Variants in EXOC4 observed in about 807,000 individuals in gnomAD.
EXOC4 encodes SEC8-like 1.
EXOC4 carries 71 observed loss-of-function variants against 107.2 expected under a neutral mutation model. That is an observed-to-expected ratio of 0.66 (90% CI 0.55 to 0.81). EXOC4 has a LOEUF of 0.81. Ranked by LOEUF, EXOC4 falls within the 30% of genes least tolerant of loss-of-function variation. EXOC4 has a pLI of 0.00. For missense variants in EXOC4, 1,108 were observed against 1,189.6 expected (o/e 0.93, Z 1.01); for synonymous variants, 456 against 441.2 (o/e 1.03, Z -0.42).
At chr7:133,421,997 A>G (rs1282599193) in intron 7 of EXOC4, among the ~76,000 whole-genome samples, 1 of 152,238 alleles carries the variant, frequency 6.6e-6, no homozygotes, top group Non-Finnish European at 1.5e-5. Context: ...AGAAAGAAAT[A>G]AGAACTATGT....
At chr7:133,654,404 G>A (rs890860675) in intron 10 of EXOC4, among the ~76,000 whole-genome samples, 49 of 152,268 alleles carry the variant, frequency 3.2e-4, no homozygotes, top group African/African-American at 9.4e-4. Context: ...ATTATTAGGA[G>A]AAGATGAGCC....
intron 9 of EXOC4, among the ~76,000 whole-genome samples, chr7:133,490,494 G>A (rs994289412): frequency 3.9e-5 from 6 of 152,276 alleles, no homozygotes; most frequent in Middle Eastern, 3.4e-3. Context: ...ATTGAGGCAA[G>A]CATTTCAGGC....
At chr7:133,792,674 T>A (rs1194370931) in intron 10 of EXOC4, among the ~76,000 whole-genome samples, 1 of 149,502 alleles carries the variant, frequency 6.7e-6, no homozygotes, top group Non-Finnish European at 1.5e-5. Context: ...AGAAGAAAAT[T>A]GTTCACAATG....
intron 10 of EXOC4, among the ~76,000 whole-genome samples, chr7:133,698,320 C>A (rs984900145): frequency 3.3e-5 from 5 of 151,974 alleles, no homozygotes; most frequent in Admixed American, 3.3e-4. Flanking sequence ...AACATGCAGG[C>A]CAGTTGTGGT....
chr7:133,634,867 GA>G (rs1802670762), intron 10 of EXOC4, among the ~76,000 whole-genome samples: 1 of 152,144 alleles, frequency 6.6e-6, no homozygotes. Flanking sequence ...GCCATGCCCG[GA>G]TAGATTCTGA....
intron 7 of EXOC4, among the ~76,000 whole-genome samples, chr7:133,465,474 T>C (rs1362449039): frequency 6.6e-6 from 1 of 152,146 alleles, no homozygotes; most frequent in African/African-American, 2.4e-5. Context: ...TGAATACCCT[T>C]TTTTGATAAT....
intron 10 of EXOC4, among the ~76,000 whole-genome samples, chr7:133,744,276 G>A (rs1195691462): frequency 6.6e-6 from 1 of 152,030 alleles, no homozygotes; most frequent in Non-Finnish European, 1.5e-5. Flanking sequence ...AGGAAATATA[G>A]CAAACTCTTA....
chr7:133,962,186 G>A (rs1164382098), intron 14 of EXOC4, among the ~76,000 whole-genome samples: 1 of 152,150 alleles, frequency 6.6e-6, no homozygotes, highest in Non-Finnish European at 1.5e-5. Context: ...GTCTCATCTA[G>A]GGCCTTGTCT....
rs113971843 is a variant in EXOC4, at chr7:133,604,993, G to A, written c.1418-25052G>A. Among the ~76,000 whole-genome samples the A allele has an allele frequency of 4.9e-3, 743 of 151,960 alleles. 5 individuals are homozygous for A. The highest frequency in any genetic ancestry group is 0.018 in the South Asian group (85 of 4,812). ...ACCCACCTCGGCCTCCCAAAGTGCT[G>A]GGATTACAGGCATGAGCCACCACAC... On this transcript the variant is annotated intron_variant, in intron 9 of 17. Coordinates refer to ENST00000253861, the MANE Select transcript of EXOC4 (RefSeq NM_021807.4).
chr7:133,650,516 T>G lies in EXOC4; in HGVS notation c.1514+20375T>G, dbSNP rs1233393435. ...TTTTTAAATAAAAAAAGCCAGAAGT[T>G]TACATGGTGTGTGTTTATGTCTGTA... On this transcript the variant is annotated intron_variant, in intron 10 of 17. Coordinates refer to ENST00000253861, the MANE Select transcript of EXOC4 (RefSeq NM_021807.4). Among the ~76,000 whole-genome samples, 8 of 152,126 alleles carry G rather than the reference T, an allele frequency of 5.3e-5. No individual in the cohort carries two copies. In the South Asian group the frequency reaches 6.2e-4, roughly 12 times the overall value.
chr7:133,944,644 A>G (rs551274532), intron 14 of EXOC4, among the ~76,000 whole-genome samples: 3 of 152,266 alleles, frequency 2.0e-5, no homozygotes, highest in African/African-American at 4.8e-5. Context: ...CTATTTTTTT[A>G]ACATGATAGA....
chr7:133,702,274 A>G (rs1392138851), intron 10 of EXOC4, among the ~76,000 whole-genome samples: 1 of 113,736 alleles, frequency 8.8e-6, no homozygotes, highest in East Asian at 2.8e-4. Flanking sequence ...GAACACCCGC[A>G]TCAGCTGCTG....
chr7:133,662,148 A>G (rs367935461), intron 10 of EXOC4, among the ~76,000 whole-genome samples: 1 of 152,132 alleles, frequency 6.6e-6, no homozygotes, highest in African/African-American at 2.4e-5. Context: ...GCGAGATTCA[A>G]AGGCAAACAT....
chr7:133,669,333 C>T (rs1288780591), intron 10 of EXOC4, among the ~76,000 whole-genome samples: 5 of 145,358 alleles, frequency 3.4e-5, no homozygotes, highest in African/African-American at 7.7e-5. Context: ...CAATGCAGGG[C>T]GAGATCCACA....
At chr7:133,820,233 AAATT>A (rs1381756685) in intron 11 of EXOC4, among the ~76,000 whole-genome samples, 1 of 148,044 alleles carries the variant, frequency 6.8e-6, no homozygotes, top group African/African-American at 2.5e-5. Flanking sequence ...ATGAAAATGC[AAATT>A]ATTTAAACCA....
intron 7 of EXOC4, among the ~76,000 whole-genome samples, chr7:133,403,416 C>T (rs1797139016): frequency 6.6e-6 from 1 of 152,104 alleles, no homozygotes; most frequent in Non-Finnish European, 1.5e-5. Flanking sequence ...TGCTGGCGGG[C>T]CATCATGTTT....
intron 14 of EXOC4, among the ~76,000 whole-genome samples, chr7:133,954,030 A>T (rs1800755163): frequency 1.3e-5 from 2 of 152,206 alleles, no homozygotes; most frequent in South Asian, 4.1e-4. Context: ...ATTTTTAAAA[A>T]TTTTCAACAT....
At position 133,647,088 on chromosome 7, in the gene EXOC4, A is replaced by G. The variant is rs148408088; in HGVS notation, c.1514+16947A>G. 5.6e-3 allele frequency among the ~76,000 whole-genome samples: 857 copies of G among 152,324 alleles called. 7 individuals are homozygous for G. The highest frequency in any genetic ancestry group is 0.02 in the African/African-American group (815 of 41,576). On this transcript the variant is annotated intron_variant, in intron 10 of 17. Transcript: ENST00000253861. ...TTGCATTGCTCACATCCAGTTTGCC[A>G]CTAAATGTTTGACGGCACGCAAACA... is the stretch of plus-strand genomic sequence containing the variant.
At chr7:134,002,872 A>G (rs1794561633) in intron 15 of EXOC4, among the ~76,000 whole-genome samples, 2 of 146,716 alleles carry the variant, frequency 1.4e-5, no homozygotes, top group Non-Finnish European at 1.5e-5. Context: ...ACTGCCAGTA[A>G]GTAAGCAAAA....
Sources: allele counts gnomAD v4.1 joint callset (sites outside exome capture counted in the v4.1 genomes callset), GRCh38; gene constraint gnomAD v4.1.1; transcripts MANE v1.5; gene names NCBI Gene and HGNC (gene_info 2026-07-23, HGNC 2026-07-21).